The following PHF21B variants were observed in gnomAD, a reference collection of about 807,000 sequenced individuals.
The protein encoded by PHF21B is PHD finger protein 21B, also known as PHD finger protein 4.
PHF21B carries 22 observed loss-of-function variants against 62.2 expected under a neutral mutation model. That is an observed-to-expected ratio of 0.35 (90% confidence interval 0.25 to 0.51). The LOEUF (loss-of-function observed/expected upper bound fraction) is 0.51, where lower values mean the gene tolerates loss of function less well. Ranked by LOEUF, PHF21B falls within the 20% of genes least tolerant of loss-of-function variation. PHF21B has a pLI of 0.97. For synonymous variants in PHF21B, 341 were observed against 314.7 expected (o/e 1.08, Z -0.88); for missense variants, 701 against 707.9 (o/e 0.99, Z 0.11).
intron 2 of PHF21B, among the ~76,000 whole-genome samples, chr22:44,980,248 G>C (rs1417349370): frequency 3.3e-5 from 5 of 152,158 alleles, no homozygotes; most frequent in Non-Finnish European, 7.3e-5. Flanking sequence ...CAGCATGTCT[G>C]GCCCCCAGTG....
chr22:44,887,924 T>C, intron 10 of PHF21B, 39 bp downstream of exon 10: 13 of 1,412,592 alleles, frequency 9.2e-6, no homozygotes, highest in Non-Finnish European at 1.2e-5. Context: ...GGGACCTCCA[T>C]GCCAGTCTGG....
At chr22:44,918,215 C>T (rs1452395109) in intron 3 of PHF21B, among the ~76,000 whole-genome samples, 1 of 152,236 alleles carries the variant, frequency 6.6e-6, no homozygotes, top group African/African-American at 2.4e-5. Flanking sequence ...GGCGTGGGGG[C>T]GGATGGACAC....
chr22:44,997,714 G>T (rs77960920), intron 2 of PHF21B, among the ~76,000 whole-genome samples: 13,126 of 152,180 alleles, frequency 0.086, 580 homozygotes, highest in Middle Eastern at 0.14. Context: ...ACATCAAAGA[G>T]AAACACTTCT....
At chr22:44,977,332 A>T (rs2072755920) in intron 2 of PHF21B, among the ~76,000 whole-genome samples, 1 of 151,984 alleles carries the variant, frequency 6.6e-6, no homozygotes, top group African/African-American at 2.4e-5. Context: ...TGGGAGGCCG[A>T]GGTGGGCAGA....
intron 2 of PHF21B, among the ~76,000 whole-genome samples, chr22:44,987,499 G>A (rs180926493): frequency 6.6e-6 from 1 of 152,128 alleles, no homozygotes; most frequent in Admixed American, 6.5e-5. Flanking sequence ...GCGGTGCAAG[G>A]GTGCTTAATA....
chr22:44,891,717 G>C (rs574427264), intron 7 of PHF21B, among the ~76,000 whole-genome samples: 1 of 152,312 alleles, frequency 6.6e-6, no homozygotes, highest in East Asian at 1.9e-4. Context: ...CTCTCAACTG[G>C]GTCTGGAGTC....
chr22:45,007,782 A>C (rs1372052605), intron 2 of PHF21B, among the ~76,000 whole-genome samples: 1 of 30,728 alleles, frequency 3.3e-5, no homozygotes, highest in Non-Finnish European at 6.8e-5. Context: ...GGCGGGAGCC[A>C]GGGGGCGGGG....
At chr22:44,993,856 A>T (rs1223041929) in intron 2 of PHF21B, among the ~76,000 whole-genome samples, 1 of 152,210 alleles carries the variant, frequency 6.6e-6, no homozygotes, top group African/African-American at 2.4e-5. Flanking sequence ...AAAACTACAC[A>T]CACAACCTAA....
intron 2 of PHF21B, among the ~76,000 whole-genome samples, chr22:44,932,657 C>T (rs1051429828): frequency 7.9e-5 from 12 of 152,256 alleles, no homozygotes; most frequent in African/African-American, 1.9e-4. Flanking sequence ...GGGTGCACCA[C>T]GGAACGCTGA....
At chr22:45,006,434 C>A (rs1278704848) in intron 2 of PHF21B, among the ~76,000 whole-genome samples, 2 of 152,164 alleles carry the variant, frequency 1.3e-5, no homozygotes, top group East Asian at 3.9e-4. Flanking sequence ...TCCCGGAGTT[C>A]AAATTTAAAG....
intron 2 of PHF21B, among the ~76,000 whole-genome samples, chr22:44,944,201 C>G (rs935071428): frequency 3.3e-5 from 5 of 152,216 alleles, no homozygotes; most frequent in Admixed American, 6.5e-5. Flanking sequence ...TGTTGTCAGG[C>G]TATGAGAACC....
At chr22:44,949,301 CAAAAAAAAGA>C (rs1209394484) in intron 2 of PHF21B, among the ~76,000 whole-genome samples, 1 of 42,472 alleles carries the variant, frequency 2.4e-5, no homozygotes, top group Non-Finnish European at 5.1e-5. Context: ...AACTCCATCT[CAAAAAAAAGA>C]AAAAAAAAAA....
At chr22:44,956,105 C>T (rs941287925) in intron 2 of PHF21B, among the ~76,000 whole-genome samples, 5 of 152,186 alleles carry the variant, frequency 3.3e-5, no homozygotes, top group South Asian at 2.1e-4. Context: ...TCCAGCTTGA[C>T]GACACAGCGG....
At chr22:44,937,091 C>T (rs1201181783) in intron 2 of PHF21B, among the ~76,000 whole-genome samples, 1 of 152,082 alleles carries the variant, frequency 6.6e-6, no homozygotes, top group Non-Finnish European at 1.5e-5. Flanking sequence ...GTCTCGAACT[C>T]CTGACCTCAA....
At chr22:44,943,044 A>T (rs865887533) in intron 2 of PHF21B, among the ~76,000 whole-genome samples, 3 of 149,772 alleles carry the variant, frequency 2.0e-5, no homozygotes, top group South Asian at 2.2e-4. Context: ...AAGAGCACAC[A>T]AAGTAGATGG....
At chr22:44,980,796 C>T (rs537374771) in intron 2 of PHF21B, among the ~76,000 whole-genome samples, 5 of 152,140 alleles carry the variant, frequency 3.3e-5, no homozygotes, top group Non-Finnish European at 5.9e-5. Context: ...CCCAGGAAGC[C>T]GAGCCCCTTC....
In PHF21B at chr22:44,996,887, C is replaced by T. The variant is rs55950399; in HGVS notation, c.120+11658G>A. 1.5e-3 allele frequency among the ~76,000 whole-genome samples: 222 copies of T among 152,192 alleles called. 1 individual carries two copies. The highest frequency in any genetic ancestry group is 3.4e-3 in the Middle Eastern group (1 of 294). ...ATGCATACATGCAGACGCACACAAG[C>T]ATACACAAACGTGTGCACACATGCA... On this transcript the variant is annotated intron_variant, in intron 2 of 12. Transcript: ENST00000313237.
Position 44,944,524 on chromosome 22 carries a change from G to C in PHF21B, c.121-24034C>G, listed in dbSNP as rs1049371905. On this transcript the variant is annotated intron_variant, in intron 2 of 12. Transcript: ENST00000313237. Reference sequence around the variant, plus strand: ...GTTTGTATTATTGCCTCGGTATTTGGACAAATTAGGAACCCCACAGCCGGC... The same window carrying C: ...GTTTGTATTATTGCCTCGGTATTTGCACAAATTAGGAACCCCACAGCCGGC... Among the ~76,000 whole-genome samples, 4 of 152,272 alleles carry C rather than the reference G, an allele frequency of 2.6e-5. No homozygotes were observed. The South Asian group carries it at 8.3e-4, about 32-fold the overall frequency.
At chr22:44,958,960 T>A (rs1362752292) in intron 2 of PHF21B, among the ~76,000 whole-genome samples, 1 of 152,044 alleles carries the variant, frequency 6.6e-6, no homozygotes. Context: ...ATCATTTAAC[T>A]GCGCAATCTA....
Sources: gnomAD v4.1 joint callset for allele counts (sites outside exome capture counted in the v4.1 genomes callset) on GRCh38, gnomAD v4.1.1 for gene constraint, MANE v1.5 for transcripts, NCBI Gene and HGNC (gene_info 2026-07-23, HGNC 2026-07-21) for gene names.